ZC3H11A: variants seen among roughly 807,000 people sequenced by gnomAD.
The protein encoded by ZC3H11A is zinc finger CCCH-type containing 11A, also known as zinc finger CCCH domain-containing protein 11A.
ZC3H11A carries 22 observed loss-of-function variants against 90.8 expected under a neutral mutation model. The ratio of observed to expected loss-of-function variants is 0.24; its 90% CI spans 0.17 to 0.35. The LOEUF is 0.35. Ranked by LOEUF, ZC3H11A falls within the 10% of genes least tolerant of loss-of-function variation. ZC3H11A has a pLI of 1.00. For missense variants in ZC3H11A, 701 were observed against 964.9 expected, an observed-to-expected ratio of 0.73 and a Z score of 3.62; for synonymous variants, 294 against 339.8, an observed-to-expected ratio of 0.87 and a Z score of 1.48.
At chr1:203,813,636 G>A (rs981633292) in intron 2 of ZC3H11A, among the ~76,000 whole-genome samples, 1 of 152,122 alleles carries the variant, frequency 6.6e-6, no homozygotes, top group Non-Finnish European at 1.5e-5. Flanking sequence ...ACAGAAGTTT[G>A]TTGTCTCACA....
At chr1:203,846,772 C>A (rs1572354035) in intron 12 of ZC3H11A, among the ~76,000 whole-genome samples, 2 of 152,124 alleles carry the variant, frequency 1.3e-5, no homozygotes, top group African/African-American at 4.8e-5. Context: ...AATAGAAATA[C>A]AAATCAATTT....
chr1:203,828,189 C>A, intron 4 of ZC3H11A, 110 bp from the exon 5 acceptor site: 1 of 1,300,270 alleles, frequency 7.7e-7, no homozygotes, highest in Non-Finnish European at 1.1e-6. Flanking sequence ...TCTCATCTCA[C>A]ATGCCTCGGA....
chr1:203,827,681 CAA>C (rs77923419), intron 4 of ZC3H11A, among the ~76,000 whole-genome samples: 22 of 86,174 alleles, frequency 2.6e-4, no homozygotes, highest in Admixed American at 2.4e-4. Context: ...GACTCTGTCT[CAA>C]AAAAAAAAAA....
chr1:203,840,578 T>A (rs1685781112), intron 12 of ZC3H11A, among the ~76,000 whole-genome samples: 1 of 151,822 alleles, frequency 6.6e-6, no homozygotes, highest in South Asian at 2.1e-4. Context: ...GTAAAATGAT[T>A]GTTCATCATA....
At chr1:203,796,377 T>A (rs1558084271) in intron 1 of ZC3H11A, 1 of 398,724 alleles carries the variant, frequency 2.5e-6, no homozygotes, top group Non-Finnish European at 4.4e-6. Context: ...CATTCCCCAC[T>A]CTCATTACAC....
chr1:203,822,195 G>A (rs992471356), intron 4 of ZC3H11A, among the ~76,000 whole-genome samples: 4 of 152,016 alleles, frequency 2.6e-5, no homozygotes. Flanking sequence ...GAGAAACTTG[G>A]TTTTCATTGT....
chr1:203,849,559 G>A (rs1249902197), intron 14 of ZC3H11A, 152 bp from the exon 15 acceptor site: 2 of 747,906 alleles, frequency 2.7e-6, no homozygotes, highest in Non-Finnish European at 4.6e-6. Context: ...TCTTTAACAG[G>A]GTATTGTCTA....
intron 1 of ZC3H11A, chr1:203,797,273 A>G (rs1367235242): frequency 1.3e-5 from 4 of 311,954 alleles, no homozygotes; most frequent in African/African-American, 4.4e-5. Flanking sequence ...ACACTGGACT[A>G]TTTGAATTCA....
intron 2 of ZC3H11A, chr1:203,806,392 TC>T (rs1490502580): frequency 5.5e-6 from 1 of 182,776 alleles, no homozygotes; most frequent in African/African-American, 2.4e-5. Context: ...GCCTCTGCCT[TC>T]CGGGTTCAAG....
rs2103041836 is a variant in ZC3H11A at position 203,831,649 on chromosome 1, T to G, written c.701-12T>G. 6.2e-7 allele frequency: 1 copy of G among 1,605,562 alleles called. No individual in the cohort carries two copies. The highest frequency in any genetic ancestry group is 1.1e-5 in the South Asian group (1 of 89,710). ...ATAAATTATTTGCTGTTCTTTGACT[T>G]GCCTTATTCAGAGGGTTCTTCAGGA... On this transcript the variant is annotated splice_polypyrimidine_tract_variant and intron_variant, in intron 8 of 17. Coordinates refer to ENST00000367210, the MANE Select transcript of ZC3H11A (RefSeq NM_001376342.1).
intron 1 of ZC3H11A, chr1:203,800,546 C>T: frequency 8.0e-7 from 1 of 1,255,972 alleles, no homozygotes; most frequent in Non-Finnish European, 1.1e-6. Flanking sequence ...TAATCATTAT[C>T]TTTATAAACA....
chr1:203,811,875 G>C (rs1674608579), intron 2 of ZC3H11A, among the ~76,000 whole-genome samples: 1 of 150,334 alleles, frequency 6.7e-6, no homozygotes, highest in Admixed American at 6.6e-5. Flanking sequence ...GAGTGCAGTA[G>C]TGTGATCTTG....
rs1429948817 is a variant in ZC3H11A at position 203,795,669 on chromosome 1, G to A, written c.-1713G>A. On this transcript the variant is annotated 5_prime_UTR_variant, in exon 1 of 18. Transcript: ENST00000367210. ...CGCCATCTTTGACGCTGGCAGTCTT[G>A]GTTTTCTGCTAGTGCTGCTGCTGCT... The A allele has an allele frequency of 6.6e-6, 1 of 152,218 alleles. No homozygotes were observed. Among genetic ancestry groups the A allele is most frequent in the African/African-American group, 2.4e-5 (1 of 41,450 alleles). 9.4% of individuals were successfully genotyped at this position (152,218 alleles called of 1,614,324 possible). A position where few individuals can be genotyped will look rare whatever the true frequency, so the allele number is the denominator to read the frequency against.
At chr1:203,810,237 A>C (rs1345898780) in intron 2 of ZC3H11A, among the ~76,000 whole-genome samples, 1 of 151,818 alleles carries the variant, frequency 6.6e-6, no homozygotes, top group African/African-American at 2.4e-5. Flanking sequence ...TGGTCTCTCA[A>C]AGTGTTAGGA....
In ZC3H11A at chr1:203,851,052, T is replaced by C. The variant is rs1689129614; in HGVS notation, c.2107-5T>C. The stretch of plus-strand genomic sequence containing the variant: ...CACTGAATTACCTGACTCTTCCTTT[T>C]GTAGGCTGTTGTCCCGCTTGTCTCT... On this transcript the variant is annotated splice_polypyrimidine_tract_variant and splice_region_variant and intron_variant, in intron 16 of 17. Coordinates refer to ENST00000367210, the MANE Select transcript of ZC3H11A (RefSeq NM_001376342.1). 6.2e-7 allele frequency: 1 copy of C among 1,613,994 alleles called. No individual in the cohort carries two copies. Among genetic ancestry groups the C allele is most frequent in the Non-Finnish European group, 8.5e-7 (1 of 1,179,986 alleles).
intron 10 of ZC3H11A, among the ~76,000 whole-genome samples, chr1:203,834,889 C>T (rs1261221312): frequency 6.6e-6 from 1 of 152,224 alleles, no homozygotes; most frequent in African/African-American, 2.4e-5. Context: ...GGTGATCCAC[C>T]CGCCTCTGCC....
intron 1 of ZC3H11A, chr1:203,798,455 A>G: frequency 6.5e-7 from 1 of 1,536,112 alleles, no homozygotes; most frequent in African/African-American, 1.4e-5. Context: ...GACACCTGCA[A>G]GCCACACATC....
intron 4 of ZC3H11A, among the ~76,000 whole-genome samples, chr1:203,822,426 T>A (rs1679084687): frequency 6.6e-6 from 1 of 151,956 alleles, no homozygotes; most frequent in Non-Finnish European, 1.5e-5. Context: ...ATCCTACTTT[T>A]GACCCCCAAC....
intron 2 of ZC3H11A, chr1:203,806,110 C>G: frequency 4.0e-6 from 2 of 499,038 alleles, no homozygotes; most frequent in Admixed American, 2.3e-5. Flanking sequence ...TGTAGGACCC[C>G]CTCTCATCTT....
Sources: allele counts gnomAD v4.1 joint callset (sites outside exome capture counted in the v4.1 genomes callset), GRCh38; gene constraint gnomAD v4.1.1; transcripts MANE v1.5; gene names NCBI Gene and HGNC (gene_info 2026-07-23, HGNC 2026-07-21).